SERINC5: variants seen among roughly 807,000 people sequenced by gnomAD.
SERINC5 encodes the protein serine incorporator 5.
A neutral mutation model predicts 63.1 loss-of-function variants in SERINC5; 41 were observed. The observed-to-expected ratio is 0.65, with a 90% CI of 0.51 to 0.84. The LOEUF is 0.84. SERINC5 is among the 40% of genes least tolerant of loss of function. The probability of loss-of-function intolerance (pLI) is 0.00; values close to 1 mark genes in which losing one functional copy is unlikely to be tolerated. For missense variants in SERINC5, 523 were observed against 573.0 expected, an observed-to-expected ratio of 0.91 and a Z score of 0.89; for synonymous variants, 222 against 215.2, an observed-to-expected ratio of 1.03 and a Z score of -0.28.
chr5:80,160,994 A>ATATATATACGTG (rs200098903), intron 7 of SERINC5, among the ~76,000 whole-genome samples: 74 of 146,456 alleles, frequency 5.1e-4, no homozygotes, highest in Admixed American at 1.0e-3. Flanking sequence ...GTGTATATGT[A>ATATATATACGTG]TATATATACG....
chr5:80,122,278 G>A (rs1349631233), intron 11 of SERINC5, among the ~76,000 whole-genome samples: 2 of 151,032 alleles, frequency 1.3e-5, no homozygotes, highest in Non-Finnish European at 2.9e-5. Context: ...TCTGCAGGCC[G>A]ATCTGATGTC....
At chr5:80,243,150 T>C (rs1004488976) in intron 1 of SERINC5, among the ~76,000 whole-genome samples, 1 of 152,070 alleles carries the variant, frequency 6.6e-6, no homozygotes, top group East Asian at 1.9e-4. Context: ...AGTTCAAGAG[T>C]CCCAGGGGGT....
At chr5:80,165,598 T>C (rs1747243056) in intron 7 of SERINC5, among the ~76,000 whole-genome samples, 1 of 152,184 alleles carries the variant, frequency 6.6e-6, no homozygotes, top group South Asian at 2.1e-4. Context: ...CATGCTCTAA[T>C]CACTATGTTC....
At chr5:80,136,983 A>G (rs182640137), downstream of SERINC5, among the ~76,000 whole-genome samples, 27 of 151,966 alleles carry the variant, frequency 1.8e-4, no homozygotes, top group Non-Finnish European at 3.4e-4. Context: ...CCAAAAATAC[A>G]AAAATTAGCC....
chr5:80,121,854 T>C (rs74489289), intron 11 of SERINC5, among the ~76,000 whole-genome samples: 91 of 151,848 alleles, frequency 6.0e-4, no homozygotes, highest in Middle Eastern at 3.4e-3. Context: ...GTGAACTTAA[T>C]AGAGTGAGAA....
At chr5:80,183,303 G>A (rs527895112) in intron 2 of SERINC5, among the ~76,000 whole-genome samples, 9 of 152,102 alleles carry the variant, frequency 5.9e-5, no homozygotes. Flanking sequence ...AGGGAGGGTG[G>A]AGGGCAGAGG....
intron 8 of SERINC5, 33 bp from the exon 9 acceptor site, chr5:80,150,981 A>G (rs752936922): frequency 2.0e-6 from 3 of 1,519,442 alleles, no homozygotes; most frequent in Non-Finnish European, 2.7e-6. Context: ...AGCTGGGCAT[A>G]TTAACACATT....
intron 1 of SERINC5, among the ~76,000 whole-genome samples, chr5:80,237,265 C>A (rs916923270): frequency 2.0e-5 from 3 of 152,154 alleles, no homozygotes; most frequent in Admixed American, 6.5e-5. Flanking sequence ...ATCAGCTTTG[C>A]ACAGGACTCT....
intron 1 of SERINC5, among the ~76,000 whole-genome samples, chr5:80,247,685 A>T (rs567240289): frequency 6.6e-6 from 1 of 152,074 alleles, no homozygotes; most frequent in East Asian, 1.9e-4. Context: ...ACACAAAGAC[A>T]CTCCTAAGCC....
chr5:80,168,579 G>A (rs1056429828), intron 6 of SERINC5, among the ~76,000 whole-genome samples: 1 of 152,036 alleles, frequency 6.6e-6, no homozygotes, highest in Non-Finnish European at 1.5e-5. Flanking sequence ...TTCCTACCTA[G>A]AACCTGAATG....
Position 80,169,450 on chromosome 5 carries a change from C to T in SERINC5, c.648G>A (p.Met216Ile), listed in dbSNP as rs1431844087. The change falls in exon 6 of 12, where the codon ATG becomes ATA. Residue 216 changes from methionine to isoleucine, a missense_variant. Physicochemically the swap from Met to Ile is conservative, Grantham distance 10 (BLOSUM62 1). Transcript: ENST00000507668. ...YSIATGGLVL[M>I]AVFYTQKDSC... ...TGTCTTTCTGTGTATAAAACACTGC[C>T]ATCAAAACCAAGCCTCCAGTGGCAA... 1 of 1,613,822 alleles carries T rather than the reference C, an allele frequency of 6.2e-7. No homozygotes were observed. The highest frequency in any genetic ancestry group is 1.3e-5 in the African/African-American group (1 of 74,914).
In SERINC5 at chr5:80,178,016, A is replaced by G; in HGVS notation, c.244T>C (p.Cys82Arg). The G allele has an allele frequency of 6.2e-7, 1 of 1,612,200 alleles. No individual in the cohort carries two copies. Among genetic ancestry groups the G allele is most frequent in the Non-Finnish European group, 8.5e-7 (1 of 1,179,182 alleles). The change falls in exon 3 of 12, where the codon TGT becomes CGT. Residue 82 changes from cysteine (C) to arginine (R), a missense_variant. Coordinates refer to ENST00000507668, the MANE Select transcript of SERINC5 (RefSeq NM_001174072.3). ...MCKGIKAGDT[C>R]EKLVGYSAVY... is the part of the protein sequence containing the mutation. ...GCAGAATATCCCACCAGCTTCTCAC[A>G]GGTGTCACCAGCTTTAATGCCTTTA... is the stretch of plus-strand genomic sequence containing the variant.
At chr5:80,191,898 G>A (rs773064331) in intron 2 of SERINC5, among the ~76,000 whole-genome samples, 3 of 152,148 alleles carry the variant, frequency 2.0e-5, no homozygotes, top group East Asian at 1.9e-4. Context: ...GGTCACTGAC[G>A]TTTCCCTTTT....
chr5:80,238,673 T>C (rs1008292488), intron 1 of SERINC5, among the ~76,000 whole-genome samples: 1 of 151,568 alleles, frequency 6.6e-6, no homozygotes, highest in Non-Finnish European at 1.5e-5. Flanking sequence ...ATCCCACTAC[T>C]TGGGAGGCTG....
intron 1 of SERINC5, among the ~76,000 whole-genome samples, chr5:80,231,928 C>A (rs1486435726): frequency 6.6e-6 from 1 of 151,450 alleles, no homozygotes; most frequent in Non-Finnish European, 1.5e-5. Flanking sequence ...TAGTGAGATC[C>A]CATCTCTATA....
At chr5:80,222,975 T>C (rs1256886328) in intron 1 of SERINC5, among the ~76,000 whole-genome samples, 1 of 152,146 alleles carries the variant, frequency 6.6e-6, no homozygotes, top group African/African-American at 2.4e-5. Context: ...TCCTTCCATT[T>C]TGGCCTCCCA....
At position 80,141,059 on chromosome 5, in the gene SERINC5, G is replaced by C; in HGVS notation, c.*2604C>G. On this transcript the variant is annotated 3_prime_UTR_variant, in exon 12 of 12. Transcript: ENST00000507668. ...AAAACTGTAGATTCTTTAAATCCAGGAATGTTGACTCCTCACCTGAGTATT... is the reference window on the plus strand; with the variant it reads ...AAAACTGTAGATTCTTTAAATCCAGCAATGTTGACTCCTCACCTGAGTATT... 1.0e-6 allele frequency: 1 copy of C among 985,304 alleles called. No homozygotes were observed. Among genetic ancestry groups the C allele is most frequent in the Non-Finnish European group, 1.2e-6 (1 of 829,880 alleles). The allele number at this position is 985,304 out of a possible 1,614,324, so 61.0% of individuals were successfully genotyped here.
rs1749935022 is a variant in SERINC5, at chr5:80,202,921, T to A, written c.160A>T (p.Met54Leu). The A allele has an allele frequency of 2.5e-6, 4 of 1,612,600 alleles. No individual in the cohort carries two copies. The highest frequency in any genetic ancestry group is 2.2e-5 in the South Asian group (2 of 90,996). ...ILVVVLCCIM[M>L]STTVAHKMKE... ...ATCTTGTGAGCCACGGTTGTTGACA[T>A]CATGATGCAGCAGAGGACGACGACC... is the stretch of plus-strand genomic sequence containing the variant. Residue 54 changes from methionine to leucine, a missense_variant, in exon 2 of 12, where the codon ATG becomes TTG. Transcript: ENST00000507668.
chr5:80,143,703 A>G lies in SERINC5; in HGVS notation c.1346T>C (p.Val449Ala), dbSNP rs1745649441. ...ICVLLYLCTL[V>A]APLCCPTREF... is the part of the protein sequence containing the mutation. The stretch of plus-strand genomic sequence containing the variant: ...CCGGGTGGGGCAGCAGAGGGGAGCG[A>G]CCAGCGTACACAGGTACAACAGCAC... The change falls in exon 12 of 12, where the codon GTC (valine) becomes GCC (alanine). Residue 449 changes from valine to alanine, a missense_variant. Coordinates refer to ENST00000507668, the MANE Select transcript of SERINC5 (RefSeq NM_001174072.3). 2.0e-6 allele frequency: 3 copies of G among 1,536,118 alleles called. No individual in the cohort carries two copies. Among genetic ancestry groups the G allele is most frequent in the Non-Finnish European group, 2.6e-6 (3 of 1,146,870 alleles).
Sources: allele counts gnomAD v4.1 joint callset (sites outside exome capture counted in the v4.1 genomes callset), GRCh38; gene constraint gnomAD v4.1.1; transcripts MANE v1.5; gene names NCBI Gene and HGNC (gene_info 2026-07-23, HGNC 2026-07-21).